The following L3MBTL3 variants were observed in gnomAD, a reference collection of about 807,000 sequenced individuals.
The protein encoded by L3MBTL3 is L3MBTL histone methyl-lysine binding protein 3, also known as lethal(3)malignant brain tumor-like protein 3.
L3MBTL3 carries 27 observed loss-of-function variants against 102.3 expected under a neutral mutation model. That is an observed-to-expected ratio of 0.26 (90% CI 0.19 to 0.36). L3MBTL3 has a LOEUF of 0.36. Among genes scored for constraint, L3MBTL3 ranks in the 10% least tolerant of loss-of-function variants. L3MBTL3 has a pLI of 1.00. For synonymous variants in L3MBTL3, 340 were observed against 320.9 expected, an observed-to-expected ratio of 1.06 and a Z score of -0.64; for missense variants, 798 against 955.3, an observed-to-expected ratio of 0.84 and a Z score of 2.17.
intron 2 of L3MBTL3, among the ~76,000 whole-genome samples, chr6:130,033,472 A>G (rs907397487): frequency 6.6e-6 from 1 of 152,168 alleles, no homozygotes; most frequent in Non-Finnish European, 1.5e-5. Context: ...GGCTTTTCTC[A>G]TTGCTGTCTT....
intron 20 of L3MBTL3, among the ~76,000 whole-genome samples, chr6:130,130,963 A>G (rs962406461): frequency 3.9e-5 from 6 of 152,214 alleles, no homozygotes; most frequent in Non-Finnish European, 5.9e-5. Flanking sequence ...ATAAGAAATA[A>G]ATTTTTTAAA....
At chr6:130,085,082 G>A (rs762010005) in intron 15 of L3MBTL3, among the ~76,000 whole-genome samples, 17 of 152,028 alleles carry the variant, frequency 1.1e-4, no homozygotes, top group South Asian at 2.1e-4. Context: ...CACCCACCTC[G>A]GCCTCCCAAA....
chr6:130,024,610 T>C (rs951885562), intron 2 of L3MBTL3, among the ~76,000 whole-genome samples: 3 of 152,190 alleles, frequency 2.0e-5, no homozygotes, highest in African/African-American at 7.2e-5. Flanking sequence ...GGATGGGGAA[T>C]TTATGAGAGA....
At chr6:130,046,285 C>T (rs1488510793) in intron 3 of L3MBTL3, among the ~76,000 whole-genome samples, 5 of 152,108 alleles carry the variant, frequency 3.3e-5, no homozygotes, top group African/African-American at 4.8e-5. Flanking sequence ...TAAAATTCAC[C>T]GCACTCTTAA....
intron 19 of L3MBTL3, among the ~76,000 whole-genome samples, chr6:130,116,092 A>G (rs1042795956): frequency 3.9e-5 from 6 of 152,180 alleles, no homozygotes; most frequent in Admixed American, 2.0e-4. Flanking sequence ...GCTTGGAACC[A>G]TTACTCTAAA....
chr6:130,086,487 AAG>A (rs1230001870), intron 16 of L3MBTL3, among the ~76,000 whole-genome samples: 1 of 152,206 alleles, frequency 6.6e-6, no homozygotes, highest in African/African-American at 2.4e-5. Flanking sequence ...TATTTGGAGA[AAG>A]AAAGTAGATA....
chr6:130,057,537 G>A (rs369350735), intron 9 of L3MBTL3, 40 bp downstream of exon 9: 115 of 1,448,538 alleles, frequency 7.9e-5, no homozygotes, highest in Non-Finnish European at 1.0e-4. Context: ...AAGGGCGCAG[G>A]AGCTGGGATA....
chr6:130,085,357 A>G (rs1487170581), intron 15 of L3MBTL3, among the ~76,000 whole-genome samples: 1 of 152,078 alleles, frequency 6.6e-6, no homozygotes, highest in African/African-American at 2.4e-5. Context: ...TGTTTTAAAG[A>G]TATCTTCTGC....
intron 1 of L3MBTL3, among the ~76,000 whole-genome samples, chr6:130,021,526 C>T (rs1411596947): frequency 2.0e-5 from 3 of 152,160 alleles, no homozygotes; most frequent in African/African-American, 7.2e-5. Context: ...TTGCATTTAT[C>T]GGTGTCTGTA....
chr6:130,064,678 C>A (rs1584356505), intron 10 of L3MBTL3, among the ~76,000 whole-genome samples: 1 of 152,198 alleles, frequency 6.6e-6, no homozygotes, highest in African/African-American at 2.4e-5. Flanking sequence ...GCAACCCGTC[C>A]TGTGTCTATG....
At chr6:130,079,516 A>T (rs1445550452) in intron 14 of L3MBTL3, among the ~76,000 whole-genome samples, 1 of 152,170 alleles carries the variant, frequency 6.6e-6, no homozygotes, top group African/African-American at 2.4e-5. Flanking sequence ...TCACTACTCA[A>T]GGGGCCATGA....
intron 10 of L3MBTL3, among the ~76,000 whole-genome samples, chr6:130,065,473 A>G (rs751537907): frequency 1.9e-4 from 29 of 152,222 alleles, no homozygotes; most frequent in Non-Finnish European, 3.2e-4. Context: ...AATTTTAACT[A>G]TATGTTTTAG....
At chr6:130,095,578 C>T (rs1379960834) in intron 18 of L3MBTL3, among the ~76,000 whole-genome samples, 3 of 152,062 alleles carry the variant, frequency 2.0e-5, no homozygotes, top group African/African-American at 7.2e-5. Flanking sequence ...ATCTAGATGC[C>T]AGAAATAATT....
intron 20 of L3MBTL3, among the ~76,000 whole-genome samples, chr6:130,123,053 GATAAC>G (rs1460725103): frequency 6.6e-6 from 1 of 152,130 alleles, no homozygotes; most frequent in African/African-American, 2.4e-5. Context: ...GTAATAATTT[GATAAC>G]ATATTTAGTT....
At chr6:130,079,906 T>C (rs942405136) in intron 14 of L3MBTL3, among the ~76,000 whole-genome samples, 4 of 152,186 alleles carry the variant, frequency 2.6e-5, no homozygotes, top group Non-Finnish European at 5.9e-5. Flanking sequence ...TCTTGACTTA[T>C]TTACAGTACT....
rs772427112 is a variant in L3MBTL3, at chr6:130,120,976, C to T, written c.1966+18C>T. The T allele has an allele frequency of 5.9e-6, 9 of 1,514,828 alleles. No individual in the cohort carries two copies. Among genetic ancestry groups the T allele is most frequent in the Non-Finnish European group, 8.2e-6 (9 of 1,091,682 alleles). The allele number at this position is 1,514,828 out of a possible 1,614,324, so 93.8% of individuals were successfully genotyped here. ...AGCCAGAGGTAGCCATAATAATTCT[C>T]ATATTACTAATGTGTATTACTGCTA... is the stretch of plus-strand genomic sequence containing the variant. On this transcript the variant is annotated intron_variant, in intron 20 of 22. Coordinates refer to ENST00000361794, the MANE Select transcript of L3MBTL3 (RefSeq NM_032438.4).
intron 19 of L3MBTL3, among the ~76,000 whole-genome samples, chr6:130,115,010 A>G (rs574066194): frequency 1.5e-4 from 22 of 151,352 alleles, no homozygotes; most frequent in Non-Finnish European, 2.4e-4. Flanking sequence ...TTATGTTTTT[A>G]CCTGCGAGTA....
chr6:130,020,013 G>A (rs1474774093), intron 1 of L3MBTL3, among the ~76,000 whole-genome samples: 1 of 137,870 alleles, frequency 7.3e-6, no homozygotes, highest in African/African-American at 2.6e-5. Flanking sequence ...CGGCCGCGCC[G>A]GGGCGGCGGG....
rs1780938580 is a variant in L3MBTL3, at chr6:130,049,363, A to T, written c.184A>T (p.Thr62Ser). The T allele has an allele frequency of 6.2e-7, 1 of 1,611,264 alleles. No individual in the cohort carries two copies. Among genetic ancestry groups the T allele is most frequent in the Non-Finnish European group, 8.5e-7 (1 of 1,177,616 alleles). Reference protein sequence around the residue: ...MENVKKATATTTWMVPTAQEA... With the variant: ...MENVKKATATSTWMVPTAQEA... ...AAATGTTAAAAAAGCAACTGCTACC[A>T]CCACTTGGATGGTACCAACTGCTCA... Residue 62 changes from threonine to serine, a missense_variant, in exon 4 of 23, where the codon ACC becomes TCC. This residue lies in a region of L3MBTL3 where 434 missense variants were observed against 506.6 expected (regional missense o/e 0.86). Transcript: ENST00000361794.
Sources: allele counts gnomAD v4.1 joint callset (sites outside exome capture counted in the v4.1 genomes callset), GRCh38; gene constraint gnomAD v4.1.1; regional missense constraint gnomAD v4.1.1; transcripts MANE v1.5; gene names NCBI Gene and HGNC (gene_info 2026-07-23, HGNC 2026-07-21).